The following ROPN1 variants were observed in gnomAD, a reference collection of about 807,000 sequenced individuals.
ROPN1 encodes ropporin-1A.
ROPN1 carries 14 observed loss-of-function variants against 20.5 expected under a neutral mutation model. The observed-to-expected ratio is 0.68, with a 90% confidence interval of 0.45 to 1.07. The LOEUF is 1.07. ROPN1 is among the 50% of genes least tolerant of loss of function. The probability of loss-of-function intolerance (pLI) is 0.00; values close to 1 mark genes in which losing one functional copy is unlikely to be tolerated. For synonymous variants in ROPN1, 76 were observed against 95.7 expected, an observed-to-expected ratio of 0.79 and a Z score of 1.20; for missense variants, 169 against 242.8, an observed-to-expected ratio of 0.70 and a Z score of 2.02.
At chr3:123,989,959 C>T (rs897484564) in intron 1 of ROPN1, among the ~76,000 whole-genome samples, 2 of 152,164 alleles carry the variant, frequency 1.3e-5, no homozygotes, top group African/African-American at 4.8e-5. Flanking sequence ...GACATATTAG[C>T]CAATCCTTCA....
chr3:123,970,654 G>A (rs2037898061), intron 4 of ROPN1, among the ~76,000 whole-genome samples: 1 of 152,194 alleles, frequency 6.6e-6, no homozygotes, highest in Admixed American at 6.5e-5. Context: ...TGACACAGTA[G>A]AGGAGAAGAA....
At chr3:123,974,454 G>C (rs917689348) in intron 4 of ROPN1, 4 of 152,136 alleles carry the variant, frequency 2.6e-5, no homozygotes, top group African/African-American at 9.7e-5. Flanking sequence ...TATGATGAAG[G>C]CTGTAGGGGA....
Position 123,969,065 on chromosome 3 carries a change from G to C in ROPN1, c.*90C>G, listed in dbSNP as rs2148988165. On this transcript the variant is annotated 3_prime_UTR_variant, in exon 6 of 6. Transcript: ENST00000405845. Reference sequence around the variant, plus strand: ...TTATTAGTGTGTACCAGTTGTACAAGAAAATTGATTTTGGGTGGTATATGG... The same window carrying C: ...TTATTAGTGTGTACCAGTTGTACAACAAAATTGATTTTGGGTGGTATATGG... 1 of 1,020,748 alleles carries C rather than the reference G, an allele frequency of 9.8e-7. No individual in the cohort carries two copies. Among genetic ancestry groups the C allele is most frequent in the South Asian group, 1.3e-5 (1 of 78,314 alleles). The allele number at this position is 1,020,748 out of a possible 1,614,324, so 63.2% of individuals were successfully genotyped here. A position where few individuals can be genotyped will look rare whatever the true frequency, so the allele number is the denominator to read the frequency against.
chr3:123,970,016 C>T (rs762674878), intron 5 of ROPN1, 26 bp downstream of exon 5: 6 of 1,609,170 alleles, frequency 3.7e-6, no homozygotes, highest in Non-Finnish European at 5.1e-6. Flanking sequence ...TATTCTTTCA[C>T]CTCCACTTGA....
intron 1 of ROPN1, among the ~76,000 whole-genome samples, chr3:123,990,228 C>A (rs2038372105): frequency 6.6e-6 from 1 of 151,108 alleles, no homozygotes; most frequent in African/African-American, 2.4e-5. Flanking sequence ...ATATAAGAGA[C>A]AAGTATTTAG....
At chr3:123,969,346 T>C in intron 5 of ROPN1, 125 bp from the exon 6 acceptor site, 1 of 866,476 alleles carries the variant, frequency 1.2e-6, no homozygotes. Flanking sequence ...TTTTGTTTTG[T>C]TTTGTTTTCT....
intron 4 of ROPN1, among the ~76,000 whole-genome samples, chr3:123,971,684 G>A (rs1248654405): frequency 6.6e-6 from 1 of 152,138 alleles, no homozygotes; most frequent in Non-Finnish European, 1.5e-5. Context: ...GTTTGGGGTA[G>A]ATTTGCAAGC....
At chr3:123,980,344 A>T (rs778851034) in intron 2 of ROPN1, 22 bp downstream of exon 2, 9 of 1,612,682 alleles carry the variant, frequency 5.6e-6, no homozygotes, top group Admixed American at 1.7e-5. Flanking sequence ...CCAAGGGGTG[A>T]AGGCGAGAAA....
chr3:123,970,525 G>A (rs1222482007), intron 4 of ROPN1, among the ~76,000 whole-genome samples: 1 of 152,138 alleles, frequency 6.6e-6, no homozygotes, highest in Non-Finnish European at 1.5e-5. Flanking sequence ...CTAAAGGAGG[G>A]AAGTTGATTT....
chr3:123,974,354 A>T (rs1017694436), intron 4 of ROPN1, among the ~76,000 whole-genome samples: 1 of 152,118 alleles, frequency 6.6e-6, no homozygotes. Context: ...TCCTCAGAGG[A>T]TAGTGATTTA....
chr3:123,977,224 G>A (rs2038044034), intron 2 of ROPN1, among the ~76,000 whole-genome samples: 1 of 152,198 alleles, frequency 6.6e-6, no homozygotes, highest in African/African-American at 2.4e-5. Flanking sequence ...TAAGGATGAG[G>A]AAGAACCAAG....
rs768896591 is a variant in ROPN1, at chr3:123,969,110, A to G, written c.*45T>C. 6.6e-7 allele frequency: 1 copy of G among 1,507,940 alleles called. No homozygotes were observed. Among genetic ancestry groups the G allele is most frequent in the Admixed American group, 1.7e-5 (1 of 59,852 alleles). The allele number at this position is 1,507,940 out of a possible 1,614,324, so 93.4% of individuals were successfully genotyped here. On this transcript the variant is annotated 3_prime_UTR_variant, in exon 6 of 6. Coordinates refer to ENST00000405845, the MANE Select transcript of ROPN1 (RefSeq NM_001317774.2). Reference sequence around the variant, plus strand: ...ATATGGGTTTCAGTCATTCTGAAGTACAATCATCTCTGTATCTTCCTTTAA... The same window carrying G: ...ATATGGGTTTCAGTCATTCTGAAGTGCAATCATCTCTGTATCTTCCTTTAA...
chr3:123,983,304 C>T (rs890767937), intron 1 of ROPN1, among the ~76,000 whole-genome samples: 10 of 151,840 alleles, frequency 6.6e-5, no homozygotes, highest in Non-Finnish European at 1.0e-4. Flanking sequence ...ATGGATGGAT[C>T]ATATGGTAAT....
intron 4 of ROPN1, among the ~76,000 whole-genome samples, chr3:123,974,295 C>T (rs1288867539): frequency 6.6e-6 from 1 of 152,148 alleles, no homozygotes; most frequent in African/African-American, 2.4e-5. Context: ...GTGATTTTCC[C>T]CAGTCCTGAC....
chr3:123,990,079 G>A (rs1009424813), intron 1 of ROPN1, among the ~76,000 whole-genome samples: 3 of 152,168 alleles, frequency 2.0e-5, no homozygotes, highest in Non-Finnish European at 4.4e-5. Context: ...TCTGAAACAC[G>A]TTGACTGACA....
At chr3:123,981,346 C>A (rs914996632) in intron 1 of ROPN1, 3 of 153,232 alleles carry the variant, frequency 2.0e-5, no homozygotes, top group African/African-American at 7.2e-5. Flanking sequence ...GGGGAACCCG[C>A]AGTGCTGGGC....
rs371682909 is a variant in ROPN1 at position 123,977,118 on chromosome 3, G to T, written c.117-137C>A. ...TGTTAAGTGGCTTCTATGTGTCATTGTGTTTAGTTCACTTACATATGGGAA... is the reference window on the plus strand; with the variant it reads ...TGTTAAGTGGCTTCTATGTGTCATTTTGTTTAGTTCACTTACATATGGGAA... On this transcript the variant is annotated intron_variant, in intron 2 of 5. Coordinates refer to ENST00000405845, the MANE Select transcript of ROPN1 (RefSeq NM_001317774.2). The T allele has an allele frequency of 1.1e-5, 9 of 822,100 alleles. No homozygotes were observed. In the African/African-American group the frequency reaches 1.4e-4, roughly 12 times the overall value. The allele number at this position is 822,100 out of a possible 1,614,324, so 50.9% of individuals were successfully genotyped here.
intron 2 of ROPN1, 106 bp downstream of exon 2, chr3:123,980,260 G>A: frequency 1.0e-6 from 1 of 972,398 alleles, no homozygotes; most frequent in Non-Finnish European, 1.6e-6. Flanking sequence ...GACGATGCCA[G>A]TTAGTCCGGA....
At chr3:123,988,003 G>A (rs1327846402) in intron 1 of ROPN1, among the ~76,000 whole-genome samples, 1 of 152,198 alleles carries the variant, frequency 6.6e-6, no homozygotes, top group Admixed American at 6.5e-5. Context: ...GTCCTGTAAA[G>A]TTGTGCAACA....
Sources: gnomAD v4.1 joint callset for allele counts (sites outside exome capture counted in the v4.1 genomes callset) on GRCh38, gnomAD v4.1.1 for gene constraint, MANE v1.5 for transcripts, NCBI Gene and HGNC (gene_info 2026-07-23, HGNC 2026-07-21) for gene names.